Variants in GHR observed in about 807,000 individuals in gnomAD.
GHR encodes growth hormone receptor, also known as GH receptor.
A neutral mutation model predicts 67.1 loss-of-function variants in GHR; 35 were observed. The observed-to-expected ratio is 0.52, with a 90% CI of 0.40 to 0.69. GHR has a LOEUF of 0.69. GHR is among the 30% of genes least tolerant of loss of function. The probability of loss-of-function intolerance (pLI) is 0.00; values close to 1 mark genes in which losing one functional copy is unlikely to be tolerated. For missense variants in GHR, 792 were observed against 764.6 expected (o/e 1.04, Z -0.42); for synonymous variants, 272 against 269.1 (o/e 1.01, Z -0.10).
At chr5:42,647,900 A>G (rs1056565594) in intron 3 of GHR, 3 of 209,514 alleles carry the variant, frequency 1.4e-5, no homozygotes, top group African/African-American at 7.1e-5. Flanking sequence ...TGCTCCCATA[A>G]ATTAAGTAAG....
intron 1 of GHR, among the ~76,000 whole-genome samples, chr5:42,427,038 G>A (rs186005321): frequency 6.6e-5 from 10 of 152,262 alleles, no homozygotes; most frequent in Admixed American, 1.3e-4. Flanking sequence ...TGACCACAAT[G>A]AATCTAGTCT....
chr5:42,453,982 C>G (rs922242320), intron 1 of GHR, among the ~76,000 whole-genome samples: 1 of 152,218 alleles, frequency 6.6e-6, no homozygotes, highest in African/African-American at 2.4e-5. Flanking sequence ...TTTTGTCTCA[C>G]TTAGTGATTC....
chr5:42,485,195 A>T (rs1296648750), intron 1 of GHR, among the ~76,000 whole-genome samples: 2 of 152,158 alleles, frequency 1.3e-5, no homozygotes, highest in Non-Finnish European at 2.9e-5. Flanking sequence ...ATAAATTCAC[A>T]CTGGGCTATT....
intron 3 of GHR, among the ~76,000 whole-genome samples, chr5:42,642,090 C>A (rs898688670): frequency 1.3e-5 from 2 of 152,118 alleles, no homozygotes; most frequent in Non-Finnish European, 2.9e-5. Context: ...ATGAAAAAAG[C>A]AGCCTTTTCA....
chr5:42,548,350 C>G, intron 1 of GHR: 1 of 985,354 alleles, frequency 1.0e-6, no homozygotes, highest in Non-Finnish European at 1.2e-6. Context: ...CAAGAAACTT[C>G]TGTGGGATCC....
At chr5:42,499,729 G>C (rs1298615671) in intron 1 of GHR, among the ~76,000 whole-genome samples, 1 of 152,198 alleles carries the variant, frequency 6.6e-6, no homozygotes, top group East Asian at 1.9e-4. Flanking sequence ...AATAGGGGCT[G>C]AAACTTAGTT....
chr5:42,603,031 A>G (rs1320776130), intron 2 of GHR, among the ~76,000 whole-genome samples: 1 of 152,170 alleles, frequency 6.6e-6, no homozygotes, highest in Non-Finnish European at 1.5e-5. Flanking sequence ...CTTATAAGGC[A>G]AATCTAGATA....
At chr5:42,620,093 A>G (rs1389981787) in intron 2 of GHR, among the ~76,000 whole-genome samples, 1 of 152,108 alleles carries the variant, frequency 6.6e-6, no homozygotes, top group African/African-American at 2.4e-5. Context: ...CTTATCAAAC[A>G]CTAGCAAGGG....
chr5:42,445,722 C>T (rs980851137), intron 1 of GHR, among the ~76,000 whole-genome samples: 6 of 152,302 alleles, frequency 3.9e-5, no homozygotes, highest in Non-Finnish European at 7.4e-5. Flanking sequence ...TCAATATTTA[C>T]TTATATATAA....
chr5:42,452,204 G>C (rs1190323732), intron 1 of GHR, among the ~76,000 whole-genome samples: 1 of 152,130 alleles, frequency 6.6e-6, no homozygotes, highest in Admixed American at 6.5e-5. Flanking sequence ...CAATTATTTT[G>C]TTTAAGGGGG....
intron 1 of GHR, among the ~76,000 whole-genome samples, chr5:42,515,315 A>C (rs1321294814): frequency 6.6e-6 from 1 of 152,196 alleles, no homozygotes; most frequent in Non-Finnish European, 1.5e-5. Flanking sequence ...TACTATTTAC[A>C]ATTGTTGTTA....
At chr5:42,427,497 G>A (rs1172407498) in intron 1 of GHR, among the ~76,000 whole-genome samples, 1 of 152,158 alleles carries the variant, frequency 6.6e-6, no homozygotes, top group Non-Finnish European at 1.5e-5. Context: ...TCCACCACAT[G>A]TGGGAATTAT....
intron 3 of GHR, among the ~76,000 whole-genome samples, chr5:42,657,720 C>T (rs1305639187): frequency 6.6e-6 from 1 of 152,192 alleles, no homozygotes; most frequent in Non-Finnish European, 1.5e-5. Context: ...TATAAGTCTA[C>T]AGTAACATAC....
intron 2 of GHR, among the ~76,000 whole-genome samples, chr5:42,604,836 C>A (rs1265310321): frequency 6.6e-6 from 1 of 151,856 alleles, no homozygotes; most frequent in Non-Finnish European, 1.5e-5. Context: ...CTCACATAAA[C>A]TCAGTGAGCA....
At chr5:42,637,896 G>A (rs1403288553) in intron 3 of GHR, among the ~76,000 whole-genome samples, 1 of 152,110 alleles carries the variant, frequency 6.6e-6, no homozygotes, top group Non-Finnish European at 1.5e-5. Flanking sequence ...TTCCACAGTG[G>A]CTGAACTAAT....
chr5:42,568,733 G>C lies in GHR; in HGVS notation c.70+2789G>C, dbSNP rs577447250. 9.2e-5 allele frequency among the ~76,000 whole-genome samples: 14 copies of C among 152,276 alleles called. 1 individual carries two copies. In the South Asian group the frequency reaches 1.7e-3, roughly 18 times the overall value. On this transcript the variant is annotated intron_variant, in intron 2 of 9. Coordinates refer to ENST00000230882, the MANE Select transcript of GHR (RefSeq NM_000163.5). The stretch of plus-strand genomic sequence containing the variant: ...ATGAGGAATGTCTTGAAATTAATGA[G>C]AGCCTGTATACCTTTAAAGTCTAGA...
At chr5:42,673,251 A>G (rs554707014) in intron 3 of GHR, among the ~76,000 whole-genome samples, 1 of 152,280 alleles carries the variant, frequency 6.6e-6, no homozygotes, top group South Asian at 2.1e-4. Flanking sequence ...CAAAAAGTCA[A>G]AAACAACAGA....
chr5:42,482,520 T>C (rs1745691486), intron 1 of GHR, among the ~76,000 whole-genome samples: 1 of 152,216 alleles, frequency 6.6e-6, no homozygotes, highest in Non-Finnish European at 1.5e-5. Context: ...TGAGCTGTGG[T>C]TGGCTCCACC....
At chr5:42,451,359 T>G (rs1184333684) in intron 1 of GHR, among the ~76,000 whole-genome samples, 1 of 152,118 alleles carries the variant, frequency 6.6e-6, no homozygotes, top group Non-Finnish European at 1.5e-5. Context: ...CCTGTTGGAC[T>G]AATCCTTTTA....
Sources: gnomAD v4.1 joint callset for allele counts (sites outside exome capture counted in the v4.1 genomes callset) on GRCh38, gnomAD v4.1.1 for gene constraint, MANE v1.5 for transcripts, NCBI Gene and HGNC (gene_info 2026-07-23, HGNC 2026-07-21) for gene names.